The following CSMD1 variants were observed in gnomAD, a reference collection of about 807,000 sequenced individuals.
CSMD1 encodes CUB and sushi domain-containing protein 1.
A neutral mutation model predicts 417.5 loss-of-function variants in CSMD1; 213 were observed. That is an observed-to-expected ratio of 0.51 (90% CI 0.46 to 0.57). The LOEUF is 0.57. Ranked by LOEUF, CSMD1 falls within the 20% of genes least tolerant of loss-of-function variation. The pLI is 0.00. For missense variants in CSMD1, 6,923 were observed against 4,529.7 expected, an observed-to-expected ratio of 1.53 and a Z score of -15.17; for synonymous variants, 2,862 against 1,736.8, an observed-to-expected ratio of 1.65 and a Z score of -16.11.
chr8:3,670,470 T>A (rs1798931418), intron 7 of CSMD1, among the ~76,000 whole-genome samples: 1 of 148,950 alleles, frequency 6.7e-6, no homozygotes, highest in African/African-American at 2.5e-5. Context: ...TATATATGTA[T>A]CCCATATATA....
At chr8:4,769,877 A>G (rs1796517374) in intron 1 of CSMD1, among the ~76,000 whole-genome samples, 1 of 152,194 alleles carries the variant, frequency 6.6e-6, no homozygotes, top group Non-Finnish European at 1.5e-5. Flanking sequence ...CACCACTAAC[A>G]TCATTTTTTC....
chr8:3,802,291 C>T (rs1279756259), intron 5 of CSMD1, among the ~76,000 whole-genome samples: 1 of 151,982 alleles, frequency 6.6e-6, no homozygotes, highest in African/African-American at 2.4e-5. Flanking sequence ...GCTATTTTTC[C>T]ACTTTAAAAT....
intron 8 of CSMD1, among the ~76,000 whole-genome samples, chr8:3,587,808 T>G (rs1800670295): frequency 6.6e-6 from 1 of 152,192 alleles, no homozygotes; most frequent in African/African-American, 2.4e-5. Flanking sequence ...GATGTAGACT[T>G]TTCCAGATTT....
At position 3,754,902 on chromosome 8, in the gene CSMD1, G is replaced by C. The variant is rs190810046; in HGVS notation, c.819-860C>G. Among the ~76,000 whole-genome samples, 4 of 152,302 alleles carry C rather than the reference G, an allele frequency of 2.6e-5. No homozygotes were observed. In the East Asian group the frequency reaches 7.7e-4, roughly 29 times the overall value. On this transcript the variant is annotated intron_variant, in intron 5 of 69. Transcript: ENST00000635120. ...AAGTAAAGAAGAGGACCATTTATGA[G>C]ATTGATGACAAGAACTGCAAAAGAG...
chr8:4,222,719 G>T (rs1159650607), intron 3 of CSMD1, among the ~76,000 whole-genome samples: 2 of 152,112 alleles, frequency 1.3e-5, no homozygotes, highest in East Asian at 1.9e-4. Flanking sequence ...TTCTGTAGGT[G>T]ATAAAAAGTG....
intron 7 of CSMD1, among the ~76,000 whole-genome samples, chr8:3,638,982 A>G (rs548257283): frequency 6.6e-6 from 1 of 152,354 alleles, no homozygotes; most frequent in Non-Finnish European, 1.5e-5. Context: ...AGAGAAAGGC[A>G]GTGTTGCATT....
intron 10 of CSMD1, among the ~76,000 whole-genome samples, chr8:3,567,758 C>G (rs1281897815): frequency 2.6e-5 from 4 of 152,174 alleles, no homozygotes; most frequent in Admixed American, 2.6e-4. Context: ...TGAGACCTCT[C>G]TGCCCCCTTC....
chr8:4,162,432 T>C (rs1797228041), intron 3 of CSMD1, among the ~76,000 whole-genome samples: 1 of 152,178 alleles, frequency 6.6e-6, no homozygotes. Flanking sequence ...GATAAAATAA[T>C]AAACAGAATA....
chr8:3,262,390 T>C (rs1009509221), intron 26 of CSMD1, among the ~76,000 whole-genome samples: 3 of 151,362 alleles, frequency 2.0e-5, no homozygotes, highest in African/African-American at 7.3e-5. Flanking sequence ...AAGATGACAG[T>C]ATCCATTTTC....
intron 6 of CSMD1, among the ~76,000 whole-genome samples, chr8:3,750,913 G>C (rs1326750995): frequency 2.6e-5 from 4 of 152,066 alleles, no homozygotes; most frequent in Admixed American, 6.5e-5. Flanking sequence ...AATAATCGTA[G>C]TGCCTTTCTG....
intron 1 of CSMD1, among the ~76,000 whole-genome samples, chr8:4,792,462 G>C (rs1425380887): frequency 6.6e-6 from 1 of 152,122 alleles, no homozygotes; most frequent in Non-Finnish European, 1.5e-5. Context: ...CTCATCAGCT[G>C]TTCTGAATAT....
At chr8:4,737,517 A>G (rs909776233) in intron 1 of CSMD1, among the ~76,000 whole-genome samples, 2 of 152,182 alleles carry the variant, frequency 1.3e-5, no homozygotes, top group Non-Finnish European at 2.9e-5. Flanking sequence ...AACATAAAAC[A>G]TCATTACCAG....
intron 20 of CSMD1, 82 bp from the exon 21 acceptor site, chr8:3,359,422 T>TCAA: frequency 2.2e-6 from 2 of 891,482 alleles, no homozygotes; most frequent in Non-Finnish European, 3.2e-6. Context: ...AAAAGTGCTA[T>TCAA]TACTAAAAAA....
intron 10 of CSMD1, among the ~76,000 whole-genome samples, chr8:3,534,672 A>G (rs972798011): frequency 3.3e-5 from 5 of 152,218 alleles, no homozygotes; most frequent in African/African-American, 9.6e-5. Context: ...CAATTTTAGA[A>G]AACCATTGTG....
At chr8:3,885,280 G>T (rs1342247192) in intron 5 of CSMD1, among the ~76,000 whole-genome samples, 2 of 152,102 alleles carry the variant, frequency 1.3e-5, no homozygotes, top group Non-Finnish European at 2.9e-5. Flanking sequence ...ACAGGTGTGA[G>T]TTATAGAATC....
chr8:4,771,715 G>T (rs1796606397), intron 1 of CSMD1, among the ~76,000 whole-genome samples: 1 of 152,210 alleles, frequency 6.6e-6, no homozygotes, highest in African/African-American at 2.4e-5. Flanking sequence ...AGCATGTCAG[G>T]CTAGCGGAGG....
chr8:3,898,450 G>C (rs1373508928), intron 5 of CSMD1, among the ~76,000 whole-genome samples: 1 of 152,218 alleles, frequency 6.6e-6, no homozygotes, highest in Admixed American at 6.5e-5. Context: ...CATCAAGTAA[G>C]TTGAATAATA....
chr8:4,196,112 G>A (rs762667366), intron 3 of CSMD1, among the ~76,000 whole-genome samples: 2 of 152,176 alleles, frequency 1.3e-5, no homozygotes, highest in Admixed American at 6.5e-5. Flanking sequence ...TGGGGAGACT[G>A]AGGCAGGAGA....
chr8:4,319,314 A>C (rs1799124024), intron 3 of CSMD1, among the ~76,000 whole-genome samples: 1 of 152,136 alleles, frequency 6.6e-6, no homozygotes, highest in South Asian at 2.1e-4. Context: ...CTTCTAAATG[A>C]ATTAAAAAGT....
Sources: allele counts gnomAD v4.1 joint callset (sites outside exome capture counted in the v4.1 genomes callset), GRCh38; gene constraint gnomAD v4.1.1; transcripts MANE v1.5; gene names NCBI Gene and HGNC (gene_info 2026-07-23, HGNC 2026-07-21).